PRKDC: variants seen among roughly 807,000 people sequenced by gnomAD.
PRKDC encodes the protein protein kinase, DNA-activated, catalytic subunit.
In PRKDC, 82 loss-of-function variants were observed where a neutral mutation model predicts 486.9. The observed-to-expected ratio is 0.17, with a 90% CI of 0.14 to 0.20. The LOEUF is 0.20. PRKDC is among the 10% of genes least tolerant of loss of function. The pLI, the probability that PRKDC is intolerant of heterozygous loss-of-function variation, is 1.00. For missense variants in PRKDC, 4,504 were observed against 5,038.2 expected (o/e 0.89, Z 3.21); for synonymous variants, 1,895 against 1,837.0 (o/e 1.03, Z -0.81).
chr8:47,781,294 A>G (rs994895928), intron 80 of PRKDC, among the ~76,000 whole-genome samples: 1 of 152,202 alleles, frequency 6.6e-6, no homozygotes, highest in African/African-American at 2.4e-5. Flanking sequence ...AAAGGACTCA[A>G]ATGTCTGGAA....
At chr8:47,793,958 A>T (rs1295047905) in intron 74 of PRKDC, among the ~76,000 whole-genome samples, 2 of 152,188 alleles carry the variant, frequency 1.3e-5, no homozygotes, top group African/African-American at 4.8e-5. Context: ...AGTCCTAATT[A>T]AAAGGAAGAG....
chr8:47,918,101 G>A (rs879497698), intron 22 of PRKDC, among the ~76,000 whole-genome samples, 176 bp downstream of exon 22: 1 of 152,130 alleles, frequency 6.6e-6, no homozygotes, highest in Non-Finnish European at 1.5e-5. Flanking sequence ...CTAAAGTGCT[G>A]GGATTACAGG....
chr8:47,854,587 G>A (rs1055779146), intron 50 of PRKDC, among the ~76,000 whole-genome samples: 3 of 151,990 alleles, frequency 2.0e-5, no homozygotes, highest in Admixed American at 6.5e-5. Context: ...TAATCCGCCC[G>A]CCTCGGCCTC....
intron 73 of PRKDC, among the ~76,000 whole-genome samples, chr8:47,797,976 C>T (rs988492311): frequency 2.6e-5 from 4 of 152,216 alleles, no homozygotes; most frequent in Non-Finnish European, 5.9e-5. Context: ...CCGTTACCAT[C>T]CCACACACCC....
intron 68 of PRKDC, among the ~76,000 whole-genome samples, chr8:47,808,186 T>C (rs894578772): frequency 6.6e-6 from 1 of 152,152 alleles, no homozygotes; most frequent in Non-Finnish European, 1.5e-5. Context: ...CTGTTGCCCA[T>C]GTTGGAGTGT....
At position 47,859,744 on chromosome 8, in the gene PRKDC, A is replaced by T; in HGVS notation, c.6074T>A (p.Met2025Lys). Residue 2025 changes from methionine (M) to lysine (K), a missense_variant, in exon 46 of 86, where the codon ATG (methionine) becomes AAG (lysine). This residue lies in a region of PRKDC where 1,592 missense variants were observed against 1,724.6 expected (regional missense o/e 0.92). Transcript: ENST00000314191. ...GTCTGCCAAATATGACAGGGAAGAC[A>T]TATAGGAAGGACCATCTGAAATATA... ...ANGDSDGPSY[M>K]SSLSYLADST... 2 of 1,612,274 alleles carry T rather than the reference A, an allele frequency of 1.2e-6. No individual in the cohort carries two copies. The highest frequency in any genetic ancestry group is 1.7e-6 in the Non-Finnish European group (2 of 1,178,372).
At position 47,927,889 on chromosome 8, in the gene PRKDC, A is replaced by G; in HGVS notation, c.2141T>C (p.Val714Ala). The part of the protein sequence containing the change: ...FALFVKFGKE[V>A]AVKMKQYKDE... Reference sequence around the variant, plus strand: ...TTTGTACTGCTTCATTTTAACTGCCACCTTAACAAGAAAGAAGACAGTAAT... The same window carrying G: ...TTTGTACTGCTTCATTTTAACTGCCGCCTTAACAAGAAAGAAGACAGTAAT... The change falls in exon 20 of 86, where the codon GTG (valine) becomes GCG (alanine). Residue 714 changes from valine (V) to alanine (A), a missense_variant and splice_region_variant. By Grantham distance (64) the Val-to-Ala change is moderately conservative. Around this residue, in one of 6 missense-constraint regions of PRKDC, gnomAD observed 1,969 missense variants for 2,068.9 expected, o/e 0.95. Transcript: ENST00000314191. 3.2e-6 allele frequency: 5 copies of G among 1,560,520 alleles called. No individual in the cohort carries two copies. Among genetic ancestry groups the G allele is most frequent in the Non-Finnish European group, 4.3e-6 (5 of 1,156,638 alleles).
At chr8:47,909,884 C>T (rs2089863974) in intron 25 of PRKDC, among the ~76,000 whole-genome samples, 1 of 152,154 alleles carries the variant, frequency 6.6e-6, no homozygotes, top group Non-Finnish European at 1.5e-5. Flanking sequence ...ACCCTGTTTC[C>T]TGTTAAGATG....
intron 54 of PRKDC, among the ~76,000 whole-genome samples, chr8:47,840,654 C>CT (rs1307420977): frequency 6.6e-6 from 1 of 152,142 alleles, no homozygotes; most frequent in Non-Finnish European, 1.5e-5. Context: ...TTTAAAAGGA[C>CT]TTCAAGAGCT....
At chr8:47,939,796 C>T in intron 10 of PRKDC, 99 bp from the exon 11 acceptor site, 1 of 1,061,620 alleles carries the variant, frequency 9.4e-7, no homozygotes, top group South Asian at 1.8e-5. Context: ...TACTAATGTA[C>T]TGTTATAGTT....
At chr8:47,794,158 A>T (rs1177645631) in intron 74 of PRKDC, 132 bp downstream of exon 74, 1 of 746,736 alleles carries the variant, frequency 1.3e-6, no homozygotes, top group Admixed American at 2.7e-5. Flanking sequence ...CAACAAAGCG[A>T]CGGCTAAGAT....
chr8:47,928,706 CAG>C (rs1001619620), intron 19 of PRKDC, among the ~76,000 whole-genome samples: 32 of 151,672 alleles, frequency 2.1e-4, no homozygotes, highest in Non-Finnish European at 1.0e-4. Flanking sequence ...TTTTTTGAGA[CAG>C]AGTCTCGCTG....
intron 40 of PRKDC, among the ~76,000 whole-genome samples, chr8:47,871,132 GA>G (rs1166370184): frequency 2.6e-5 from 4 of 152,192 alleles, no homozygotes; most frequent in African/African-American, 9.6e-5. Flanking sequence ...TGGTCTTAAA[GA>G]AAAGGTAGCG....
chr8:47,905,096 T>C, intron 25 of PRKDC, 120 bp from the exon 26 acceptor site: 1 of 685,554 alleles, frequency 1.5e-6, no homozygotes, highest in Non-Finnish European at 2.4e-6. Flanking sequence ...ACCATGGTTG[T>C]ATTAGTTTCC....
chr8:47,941,055 A>G (rs1319640690), intron 10 of PRKDC, among the ~76,000 whole-genome samples: 1 of 151,484 alleles, frequency 6.6e-6, no homozygotes, highest in East Asian at 2.0e-4. Flanking sequence ...GCTTAAACGC[A>G]GGAGGCAGAG....
chr8:47,944,469 ATGT>A, intron 7 of PRKDC, among the ~76,000 whole-genome samples: 1 of 149,054 alleles, frequency 6.7e-6, no homozygotes, highest in Non-Finnish European at 1.5e-5. Context: ...CACCTAGTAC[ATGT>A]AAGAAAAAAA....
chr8:47,836,986 G>T lies in PRKDC; in HGVS notation c.7761+226C>A, dbSNP rs576951090. Among the ~76,000 whole-genome samples, 4 of 152,352 alleles carry T rather than the reference G, an allele frequency of 2.6e-5. No individual in the cohort carries two copies. In the South Asian group the frequency reaches 8.3e-4, roughly 32 times the overall value. ...TCCACTGTGGATTGGGAGGAATGAG[G>T]GGAGGGAAAGCAATGGCGATCCTGA... On this transcript the variant is annotated intron_variant, in intron 57 of 85. Coordinates refer to ENST00000314191, the MANE Select transcript of PRKDC (RefSeq NM_006904.7).
chr8:47,891,238 T>C (rs998709134), intron 31 of PRKDC, among the ~76,000 whole-genome samples: 5 of 152,190 alleles, frequency 3.3e-5, no homozygotes. Flanking sequence ...TTTAAAATAC[T>C]TGTACACTGT....
In PRKDC at chr8:47,879,496, T is replaced by C; in HGVS notation, c.5230A>G (p.Lys1744Glu). The C allele has an allele frequency of 6.4e-7, 1 of 1,572,862 alleles. No individual in the cohort carries two copies. The highest frequency in any genetic ancestry group is 8.6e-7 in the Non-Finnish European group (1 of 1,158,584). Residue 1744 changes from lysine to glutamate, a missense_variant, in exon 39 of 86, where the codon AAA becomes GAA. Around this residue, in one of 6 missense-constraint regions of PRKDC, gnomAD observed 1,969 missense variants for 2,068.9 expected, o/e 0.95. Coordinates refer to ENST00000314191, the MANE Select transcript of PRKDC (RefSeq NM_006904.7). ...PRFNNYVDCMKKFLDALELSQ... is the reference protein window; with the variant it reads ...PRFNNYVDCMEKFLDALELSQ... ...TGATACTACTAGAAACTAACCTTTT[T>C]CATGCAGTCCACATAATTATTGAAC...
Sources: allele counts gnomAD v4.1 joint callset (sites outside exome capture counted in the v4.1 genomes callset), GRCh38; gene constraint gnomAD v4.1.1; regional missense constraint gnomAD v4.1.1; transcripts MANE v1.5; gene names NCBI Gene and HGNC (gene_info 2026-07-23, HGNC 2026-07-21).